The following CLEC5A variants were observed in gnomAD, a reference collection of about 807,000 sequenced individuals.
CLEC5A encodes the protein C-type lectin domain family 5 member A.
In CLEC5A, 15 loss-of-function variants were observed where a neutral mutation model predicts 24.4. The observed-to-expected ratio is 0.62, with a 90% confidence interval of 0.41 to 0.95. The LOEUF (loss-of-function observed/expected upper bound fraction) is 0.95, where lower values mean the gene tolerates loss of function less well. Ranked by LOEUF, CLEC5A falls within the 40% of genes least tolerant of loss-of-function variation. CLEC5A has a pLI of 0.00. For missense variants in CLEC5A, 211 were observed against 224.0 expected (o/e 0.94, Z 0.37); for synonymous variants, 71 against 72.6 (o/e 0.98, Z 0.11).
At position 141,931,834 on chromosome 7, in the gene CLEC5A, T is replaced by C. The variant is rs1554440434; in HGVS notation, c.346-8A>G. On this transcript the variant is annotated splice_polypyrimidine_tract_variant and splice_region_variant and intron_variant, in intron 5 of 6. Coordinates refer to ENST00000546910, the MANE Select transcript of CLEC5A (RefSeq NM_013252.3). ...TATGTCCTGAAGAAACTTCTGGAAA[T>C]AAAAAAAAAATTTTACCAGTGAGTC... 7.4e-7 allele frequency: 1 copy of C among 1,356,586 alleles called. No homozygotes were observed. The allele number at this position is 1,356,586 out of a possible 1,614,324, so 84.0% of individuals were successfully genotyped here.
chr7:141,943,998 T>G (rs782777212), intron 3 of CLEC5A, 34 bp from the exon 4 acceptor site: 1 of 1,269,224 alleles, frequency 7.9e-7, no homozygotes, highest in Non-Finnish European at 1.2e-6. Context: ...GGTTATGGTA[T>G]GATGAATACA....
At chr7:141,943,437 G>C (rs537831079) in intron 4 of CLEC5A, among the ~76,000 whole-genome samples, 1 of 152,128 alleles carries the variant, frequency 6.6e-6, no homozygotes, top group African/African-American at 2.4e-5. Flanking sequence ...AGGGTAGTTG[G>C]TGGGGAGGTA....
rs576070710 is a variant in CLEC5A at position 141,927,559 on chromosome 7, C to G, written c.*2545G>C. On this transcript the variant is annotated 3_prime_UTR_variant, in exon 7 of 7. Coordinates refer to ENST00000546910, the MANE Select transcript of CLEC5A (RefSeq NM_013252.3). ...TTTTGTGCTTAGAGTTTCAGCTGAT[C>G]TAGGGTGGCTCTGCTGATCTCAGGT... 2 of 152,356 alleles carry G rather than the reference C, an allele frequency of 1.3e-5. No homozygotes were observed. Among genetic ancestry groups the G allele is most frequent in the East Asian group, 1.9e-4 (1 of 5,190 alleles). The allele number at this position is 152,356 out of a possible 1,614,324, so 9.4% of individuals were successfully genotyped here. A position where few individuals can be genotyped will look rare whatever the true frequency, so the allele number is the denominator to read the frequency against.
In CLEC5A at chr7:141,946,966, A is replaced by G. The variant is rs1476565227; in HGVS notation, c.-180T>C. 3 of 152,218 alleles carry G rather than the reference A, an allele frequency of 2.0e-5. No homozygotes were observed. Among genetic ancestry groups the G allele is most frequent in the African/African-American group, 7.2e-5 (3 of 41,444 alleles). The allele number at this position is 152,218 out of a possible 1,614,324, so 9.4% of individuals were successfully genotyped here. On this transcript the variant is annotated 5_prime_UTR_variant, in exon 1 of 7. Transcript: ENST00000546910. ...CAGTCTCTGCCTTGGTAGCATCCCC[A>G]AGAAATACCTCTTCCTGTTCAGTGG...
At chr7:141,930,276 G>A (rs1802418392) in intron 6 of CLEC5A, 58 bp from the exon 7 acceptor site, 2 of 1,327,838 alleles carry the variant, frequency 1.5e-6, no homozygotes, top group Non-Finnish European at 2.1e-6. Flanking sequence ...GCATGGTGAT[G>A]GCCCATCATT....
At chr7:141,945,936 G>A (rs927943862) in intron 2 of CLEC5A, 5 of 420,464 alleles carry the variant, frequency 1.2e-5, no homozygotes, top group Non-Finnish European at 2.1e-5. Context: ...CTTCAGCTGA[G>A]ATCACCCAAA....
chr7:141,931,092 G>A (rs1554440299), intron 6 of CLEC5A, among the ~76,000 whole-genome samples: 1 of 152,156 alleles, frequency 6.6e-6, no homozygotes, highest in African/African-American at 2.4e-5. Flanking sequence ...GCTCTTGGGG[G>A]TCAGAAGTTC....
At chr7:141,946,446 C>T (rs1554442157) in intron 1 of CLEC5A, 134 bp from the exon 2 acceptor site, 1 of 735,030 alleles carries the variant, frequency 1.4e-6, no homozygotes, top group African/African-American at 1.8e-5. Flanking sequence ...TGACAGGTAC[C>T]AGGAGGTGAC....
intron 4 of CLEC5A, among the ~76,000 whole-genome samples, chr7:141,938,777 T>C (rs1213636585): frequency 1.3e-5 from 2 of 152,066 alleles, no homozygotes; most frequent in Non-Finnish European, 2.9e-5. Flanking sequence ...GGAGCTCCAA[T>C]ATGTCTGGTA....
rs1280572146 is a variant in CLEC5A, at chr7:141,945,244, G to T, written c.139+97C>A. 6.8e-6 allele frequency: 6 copies of T among 886,234 alleles called. No individual in the cohort carries two copies. The African/African-American group carries it at 8.2e-5, about 12-fold the overall frequency. The allele number at this position is 886,234 out of a possible 1,614,324, so 54.9% of individuals were successfully genotyped here. ...ATCTTTATGGACCCTTTGTACAAAAGAATTTCTTGGGAAAGGAGGCTGTGT... is the reference window on the plus strand; with the variant it reads ...ATCTTTATGGACCCTTTGTACAAAATAATTTCTTGGGAAAGGAGGCTGTGT... On this transcript the variant is annotated intron_variant, in intron 3 of 6. Transcript: ENST00000546910.
At chr7:141,944,964 A>G (rs1328226286) in intron 3 of CLEC5A, among the ~76,000 whole-genome samples, 1 of 152,166 alleles carries the variant, frequency 6.6e-6, no homozygotes, top group African/African-American at 2.4e-5. Context: ...CAGTAGTAAT[A>G]GGTGTCTTAA....
chr7:141,930,262 C>T, intron 6 of CLEC5A, 44 bp from the exon 7 acceptor site: 2 of 1,461,748 alleles, frequency 1.4e-6, no homozygotes, highest in Non-Finnish European at 1.9e-6. Flanking sequence ...AAACAAAAAA[C>T]AAAGCATGGT....
At chr7:141,943,704 T>C (rs1306025875) in intron 4 of CLEC5A, among the ~76,000 whole-genome samples, 192 bp downstream of exon 4, 2 of 152,118 alleles carry the variant, frequency 1.3e-5, no homozygotes, top group Admixed American at 6.6e-5. Context: ...TGAATATATA[T>C]ACCTACTATG....
At chr7:141,931,945 C>T (rs1802481263) in intron 5 of CLEC5A, 119 bp from the exon 6 acceptor site, 1 of 566,120 alleles carries the variant, frequency 1.8e-6, no homozygotes, top group Non-Finnish European at 3.1e-6. Flanking sequence ...ACTCTGGGAC[C>T]AGCTATAGCT....
chr7:141,938,146 G>T (rs192366995), intron 4 of CLEC5A, among the ~76,000 whole-genome samples: 102 of 152,278 alleles, frequency 6.7e-4, no homozygotes, highest in Middle Eastern at 6.8e-3. Flanking sequence ...AGACCATTCA[G>T]GAAAACATGA....
Position 141,931,840 on chromosome 7 carries a change from A to G in CLEC5A, c.346-14T>C. 1 of 1,357,750 alleles carries G rather than the reference A, an allele frequency of 7.4e-7. No homozygotes were observed. The highest frequency in any genetic ancestry group is 1.0e-6 in the Non-Finnish European group (1 of 964,570). 84.1% of individuals were successfully genotyped at this position (1,357,750 alleles called of 1,614,324 possible). ...CTGAAGAAACTTCTGGAAATAAAAA[A>G]AAAATTTTACCAGTGAGTCTTTTAA... On this transcript the variant is annotated splice_polypyrimidine_tract_variant and intron_variant, in intron 5 of 6. Transcript: ENST00000546910.
rs1301516069 is a variant in CLEC5A at position 141,943,939 on chromosome 7, G to A, written c.165C>T (p.Ser55=). The A allele has an allele frequency of 1.2e-6, 2 of 1,611,016 alleles. No individual in the cohort carries two copies. The highest frequency in any genetic ancestry group is 1.7e-6 in the Non-Finnish European group (2 of 1,177,678). The stretch of plus-strand genomic sequence containing the variant: ...TGGTAATGAAGCCGTTGGGACTTGG[G>A]GAACTGCTCCCAAAAATCTGTGAGA... ...GTVSQIFGSS[S]PSPNGFITTR... The change falls in exon 4 of 7, where the codon TCC becomes TCT. Residue 55 remains serine, a synonymous_variant. Transcript: ENST00000546910.
rs193104904 is a variant in CLEC5A, at chr7:141,944,782, C to T, written c.139+559G>A. Reference sequence around the variant, plus strand: ...GCATTCACTTTTTATTTCAGTACCCCGTTTATAGACTCTAAGATGTAATAG... The same window carrying T: ...GCATTCACTTTTTATTTCAGTACCCTGTTTATAGACTCTAAGATGTAATAG... On this transcript the variant is annotated intron_variant, in intron 3 of 6. Transcript: ENST00000546910. 2.6e-3 allele frequency among the ~76,000 whole-genome samples: 400 copies of T among 152,244 alleles called. 1 individual carries two copies. The highest frequency in any genetic ancestry group is 4.6e-3 in the Non-Finnish European group (314 of 68,032).
chr7:141,936,616 G>A (rs1285951), intron 4 of CLEC5A, among the ~76,000 whole-genome samples: 136,291 of 152,086 alleles, frequency 0.9, 61,808 homozygotes, highest in Non-Finnish European at 0.97. Flanking sequence ...TAAACTTGAA[G>A]GGTAGTCTAG....
Sources: allele counts gnomAD v4.1 joint callset (sites outside exome capture counted in the v4.1 genomes callset), GRCh38; gene constraint gnomAD v4.1.1; transcripts MANE v1.5; gene names NCBI Gene and HGNC (gene_info 2026-07-23, HGNC 2026-07-21).